Variants in MSI2 observed in about 807,000 individuals in gnomAD.
The protein encoded by MSI2 is RNA-binding protein Musashi homolog 2.
MSI2 carries 17 observed loss-of-function variants against 45.6 expected under a neutral mutation model. That is an observed-to-expected ratio of 0.37 (90% CI 0.26 to 0.56). MSI2 has a LOEUF of 0.56. MSI2 is among the 20% of genes least tolerant of loss of function. MSI2 has a pLI of 0.77. For missense variants in MSI2, 293 were observed against 444.2 expected (o/e 0.66, Z 3.06); for synonymous variants, 156 against 158.2 (o/e 0.99, Z 0.11).
chr17:57,544,690 A>G (rs2087125041), intron 7 of MSI2, among the ~76,000 whole-genome samples: 1 of 152,220 alleles, frequency 6.6e-6, no homozygotes, highest in African/African-American at 2.4e-5. Flanking sequence ...GTTTGACAAT[A>G]TATATGCCTT....
chr17:57,507,164 T>C (rs1306191386), intron 6 of MSI2, among the ~76,000 whole-genome samples: 3 of 100,202 alleles, frequency 3.0e-5, no homozygotes, highest in Non-Finnish European at 6.3e-5. Context: ...TATCTGTTTC[T>C]CTGTGTGTGT....
chr17:57,607,622 C>A (rs1906763865), intron 8 of MSI2, among the ~76,000 whole-genome samples: 1 of 152,190 alleles, frequency 6.6e-6, no homozygotes, highest in African/African-American at 2.4e-5. Context: ...CCACAGTGAC[C>A]AGCTGGGAAG....
chr17:57,430,094 A>G (rs1321046060), intron 6 of MSI2, among the ~76,000 whole-genome samples: 1 of 152,188 alleles, frequency 6.6e-6, no homozygotes, highest in African/African-American at 2.4e-5. Flanking sequence ...GTGCCTTGTT[A>G]TTTGTAAGGA....
intron 6 of MSI2, among the ~76,000 whole-genome samples, chr17:57,494,773 C>T (rs1261550068): frequency 2.0e-5 from 3 of 152,036 alleles, no homozygotes; most frequent in East Asian, 1.9e-4. Context: ...GGCCATGGCA[C>T]GTGGTCATTC....
chr17:57,550,582 T>G (rs116724414), intron 7 of MSI2, among the ~76,000 whole-genome samples: 2,038 of 152,296 alleles, frequency 0.013, 41 homozygotes, highest in African/African-American at 0.046. Flanking sequence ...ACCTTTTCTT[T>G]TCCAAAAGTA....
At chr17:57,588,248 C>G (rs769611980) in intron 7 of MSI2, among the ~76,000 whole-genome samples, 1 of 152,156 alleles carries the variant, frequency 6.6e-6, no homozygotes, top group Non-Finnish European at 1.5e-5. Flanking sequence ...GGCCTCCTGA[C>G]CTGGAAGTCT....
chr17:57,588,537 C>T (rs977979376), intron 7 of MSI2, among the ~76,000 whole-genome samples: 9 of 152,194 alleles, frequency 5.9e-5, no homozygotes, highest in Non-Finnish European at 8.8e-5. Flanking sequence ...TTAGGAGATA[C>T]TCTAGCTGTT....
chr17:57,383,571 G>A (rs958291331), intron 5 of MSI2, among the ~76,000 whole-genome samples: 1 of 152,220 alleles, frequency 6.6e-6, no homozygotes, highest in African/African-American at 2.4e-5. Flanking sequence ...TGAGGCAGGA[G>A]AATCGCTTGA....
intron 5 of MSI2, chr17:57,294,707 G>A (rs1910769735): frequency 6.6e-6 from 1 of 152,274 alleles, no homozygotes; most frequent in Admixed American, 6.5e-5. Context: ...TCCTGTGTTT[G>A]TGCTCCCGAA....
intron 11 of MSI2, among the ~76,000 whole-genome samples, chr17:57,671,733 T>C (rs577445370): frequency 6.6e-6 from 1 of 152,304 alleles, no homozygotes; most frequent in Admixed American, 6.5e-5. Context: ...GAAAATTGCT[T>C]TGTCCCTAAT....
rs182100760 is a variant in MSI2, at chr17:57,504,473, G to A, written c.406-25203G>A. Among the ~76,000 whole-genome samples the A allele has an allele frequency of 2.6e-4, 39 of 152,254 alleles. 1 individual carries two copies. Among genetic ancestry groups the A allele is most frequent in the African/African-American group, 8.9e-4 (37 of 41,546 alleles). ...GCTGGAAGGCAGGGTAGCTTGCCTC[G>A]GGCCATGAGTGCTTGGATATTTCCC... On this transcript the variant is annotated intron_variant, in intron 6 of 13. Coordinates refer to ENST00000284073, the MANE Select transcript of MSI2 (RefSeq NM_138962.4).
At chr17:57,406,538 G>A (rs2143145741) in intron 6 of MSI2, among the ~76,000 whole-genome samples, 1 of 152,314 alleles carries the variant, frequency 6.6e-6, no homozygotes, top group East Asian at 1.9e-4. Context: ...GAGCTCGCTA[G>A]GTAATTCTCG....
At chr17:57,590,118 C>A (rs1392444726) in intron 7 of MSI2, among the ~76,000 whole-genome samples, 2 of 152,176 alleles carry the variant, frequency 1.3e-5, no homozygotes, top group African/African-American at 4.8e-5. Context: ...ATTTGACAAT[C>A]TGGGGTTTTT....
In MSI2 at chr17:57,258,398, G is replaced by C. The variant is rs201473446; in HGVS notation, c.270+44G>C. The stretch of plus-strand genomic sequence containing the variant: ...TTGTTGTTCGCCCCTTTTCAGGAAC[G>C]ATCTGGGCATTGACAGCCCCATTTA... On this transcript the variant is annotated intron_variant, in intron 4 of 13. Coordinates refer to ENST00000284073, the MANE Select transcript of MSI2 (RefSeq NM_138962.4). The C allele has an allele frequency of 2.1e-4, 311 of 1,498,352 alleles. 2 individuals carry two copies. In the East Asian group the frequency reaches 5.0e-3, roughly 24 times the overall value. 92.8% of individuals were successfully genotyped at this position (1,498,352 alleles called of 1,614,324 possible). A position where few individuals can be genotyped will look rare whatever the true frequency, so the allele number is the denominator to read the frequency against.
intron 6 of MSI2, among the ~76,000 whole-genome samples, chr17:57,487,659 C>T (rs76916749): frequency 0.033 from 5,034 of 152,040 alleles, 138 homozygotes; most frequent in Non-Finnish European, 0.052. Context: ...TGAGGTCCTC[C>T]CAGGTGCAGG....
chr17:57,318,185 G>A (rs1202492588), intron 5 of MSI2, among the ~76,000 whole-genome samples: 2 of 151,434 alleles, frequency 1.3e-5, no homozygotes, highest in Non-Finnish European at 3.0e-5. Context: ...AGGTGAGAAG[G>A]TGAGAAGGTG....
At chr17:57,461,967 C>CTGGG (rs1482093223) in intron 6 of MSI2, among the ~76,000 whole-genome samples, 7 of 152,176 alleles carry the variant, frequency 4.6e-5, no homozygotes, top group Non-Finnish European at 2.9e-5. Flanking sequence ...GTACCACAAA[C>CTGGG]TGGGTGCCTC....
At chr17:57,632,328 A>G in intron 10 of MSI2, 7 of 1,067,680 alleles carry the variant, frequency 6.6e-6, no homozygotes, top group Non-Finnish European at 7.9e-6. Context: ...ACTATTCTCT[A>G]AGAATGTGAG....
chr17:57,665,862 C>T (rs1320997389), intron 11 of MSI2, among the ~76,000 whole-genome samples: 1 of 152,218 alleles, frequency 6.6e-6, no homozygotes, highest in Non-Finnish European at 1.5e-5. Flanking sequence ...GCCCTCTCTG[C>T]TTCCACGCTG....
Sources: allele counts gnomAD v4.1 joint callset (sites outside exome capture counted in the v4.1 genomes callset), GRCh38; gene constraint gnomAD v4.1.1; transcripts MANE v1.5; gene names NCBI Gene and HGNC (gene_info 2026-07-23, HGNC 2026-07-21).